Variants in AMD1 observed in about 807,000 individuals in gnomAD.
The protein encoded by AMD1 is adenosylmethionine decarboxylase 1, also known as S-adenosylmethionine decarboxylase proenzyme.
In AMD1, 11 loss-of-function variants were observed where a neutral mutation model predicts 40.2. That is an observed-to-expected ratio of 0.27 (90% CI 0.17 to 0.45). The LOEUF (loss-of-function observed/expected upper bound fraction) is 0.45, where lower values mean the gene tolerates loss of function less well. Ranked by LOEUF, AMD1 falls within the 20% of genes least tolerant of loss-of-function variation. The pLI is 1.00. For missense variants in AMD1, 257 were observed against 410.2 expected, an observed-to-expected ratio of 0.63 and a Z score of 3.23; for synonymous variants, 121 against 130.8, an observed-to-expected ratio of 0.93 and a Z score of 0.51.
At chr6:110,823,660 T>C in the AMD1 span, among the ~76,000 whole-genome samples, 1 of 152,210 alleles carries the variant, frequency 6.6e-6, no homozygotes, top group Non-Finnish European at 1.5e-5. Flanking sequence ...TCTAGTTCCT[T>C]GAGAGCTAGA....
At chr6:110,831,829 T>A in the AMD1 span, among the ~76,000 whole-genome samples, 1 of 152,120 alleles carries the variant, frequency 6.6e-6, no homozygotes, top group Non-Finnish European at 1.5e-5. Flanking sequence ...CTGTTTTATA[T>A]GCAATTCTTT....
the AMD1 span, among the ~76,000 whole-genome samples, chr6:110,829,434 G>C: frequency 9.3e-5 from 14 of 151,272 alleles, no homozygotes; most frequent in Admixed American, 7.9e-4. Context: ...AATCCCAGCA[G>C]TTTGGGAGGC....
chr6:110,852,086 T>A, the AMD1 span, among the ~76,000 whole-genome samples: 1 of 151,198 alleles, frequency 6.6e-6, no homozygotes, highest in East Asian at 1.9e-4. Context: ...AGAGTCTCTC[T>A]TTGTTACCCA....
At chr6:110,853,708 T>C in the AMD1 span, among the ~76,000 whole-genome samples, 3 of 152,192 alleles carry the variant, frequency 2.0e-5, no homozygotes, top group Admixed American at 1.3e-4. Context: ...CCCAAAGTGC[T>C]CAGCTTACAG....
At chr6:110,840,013 CTTTTTTTTTTT>C in the AMD1 span, among the ~76,000 whole-genome samples, 1 of 92,874 alleles carries the variant, frequency 1.1e-5, no homozygotes, top group African/African-American at 4.1e-5. Context: ...GATTCTCTCT[CTTTTTTTTTTT>C]TTTTTTTTTT....
the AMD1 span, among the ~76,000 whole-genome samples, chr6:110,854,882 A>T: frequency 6.6e-6 from 1 of 152,188 alleles, no homozygotes; most frequent in Non-Finnish European, 1.5e-5. Context: ...TTCTTATTAC[A>T]TAGTGCTAAA....
intron 1 of AMD1, among the ~76,000 whole-genome samples, chr6:110,879,924 A>G (rs1785312513): frequency 6.6e-6 from 1 of 152,146 alleles, no homozygotes; most frequent in South Asian, 2.1e-4. Context: ...TGATTAGAGC[A>G]TAACCCTGCA....
chr6:110,817,224 A>G, the AMD1 span, among the ~76,000 whole-genome samples: 436 of 152,302 alleles, frequency 2.9e-3, 3 homozygotes, highest in Admixed American at 8.2e-3. Context: ...ACTGCCTGCT[A>G]GGTTTTGAAA....
chr6:110,892,575 G>C (rs1311447291), intron 6 of AMD1, 132 bp downstream of exon 6: 52 of 1,431,282 alleles, frequency 3.6e-5, no homozygotes, highest in Admixed American at 9.8e-5. Flanking sequence ...TGTCATGGGG[G>C]TTTGTCGTAC....
At chr6:110,842,090 A>G in the AMD1 span, among the ~76,000 whole-genome samples, 1 of 152,166 alleles carries the variant, frequency 6.6e-6, no homozygotes, top group Non-Finnish European at 1.5e-5. Flanking sequence ...TGCATGAGCC[A>G]TCTAGCCCGG....
At chr6:110,885,297 G>C (rs1191816966) in intron 1 of AMD1, among the ~76,000 whole-genome samples, 1 of 152,126 alleles carries the variant, frequency 6.6e-6, no homozygotes, top group East Asian at 1.9e-4. Flanking sequence ...GTTTTTAGTA[G>C]AGATGGGGTT....
chr6:110,814,862 T>C, the AMD1 span: 2 of 1,054,506 alleles, frequency 1.9e-6, no homozygotes, highest in East Asian at 2.8e-5. Context: ...CGGGCGCCCC[T>C]CGGAGTCGGT....
At chr6:110,860,507 A>AC in the AMD1 span, among the ~76,000 whole-genome samples, 24 of 152,222 alleles carry the variant, frequency 1.6e-4, no homozygotes, top group South Asian at 2.1e-4. Flanking sequence ...ATTAAAAAAA[A>AC]ACACACACAT....
chr6:110,825,684 A>G, the AMD1 span, among the ~76,000 whole-genome samples: 1 of 152,240 alleles, frequency 6.6e-6, no homozygotes, highest in Non-Finnish European at 1.5e-5. Context: ...GCTGCCAAGT[A>G]AAAACCTGTT....
chr6:110,829,045 C>T, the AMD1 span, among the ~76,000 whole-genome samples: 1 of 152,116 alleles, frequency 6.6e-6, no homozygotes, highest in Non-Finnish European at 1.5e-5. Context: ...TGGCAGGTGC[C>T]TGTAATCCCA....
At chr6:110,869,592 C>T in the AMD1 span, among the ~76,000 whole-genome samples, 1 of 151,902 alleles carries the variant, frequency 6.6e-6, no homozygotes, top group African/African-American at 2.4e-5. Flanking sequence ...TCACCCCAAC[C>T]TCCGCCTACC....
chr6:110,824,769 G>C, the AMD1 span, among the ~76,000 whole-genome samples: 1 of 152,112 alleles, frequency 6.6e-6, no homozygotes, highest in Non-Finnish European at 1.5e-5. Flanking sequence ...CTTGAGGAAA[G>C]AAACAATGGC....
At position 110,887,596 on chromosome 6, in the gene AMD1, G is replaced by A; in HGVS notation, c.197+5G>A. 6.3e-7 allele frequency: 1 copy of A among 1,592,476 alleles called. No homozygotes were observed. The highest frequency in any genetic ancestry group is 8.5e-7 in the Non-Finnish European group (1 of 1,171,208). On this transcript the variant is annotated splice_donor_5th_base_variant and intron_variant, in intron 2 of 8. Coordinates refer to ENST00000368885, the MANE Select transcript of AMD1 (RefSeq NM_001634.6). ...GCAGGAAGCTTATGTACTCAGGTAA[G>A]TCCTGTAAAACAAGTGTTAGGTAGC...
chr6:110,892,238 C>T, intron 5 of AMD1, 35 bp downstream of exon 5: 1 of 1,613,554 alleles, frequency 6.2e-7, no homozygotes, highest in Non-Finnish European at 8.5e-7. Context: ...TTTTTGTTGT[C>T]CTATGTAAGA....
Sources: allele counts gnomAD v4.1 joint callset (sites outside exome capture counted in the v4.1 genomes callset), GRCh38; gene constraint gnomAD v4.1.1; transcripts MANE v1.5; gene names NCBI Gene and HGNC (gene_info 2026-07-23, HGNC 2026-07-21).